Variants in ADIPOR2 observed in about 807,000 individuals in gnomAD.
ADIPOR2 encodes adiponectin receptor 2, also known as adiponectin receptor protein 2.
A neutral mutation model predicts 40.9 loss-of-function variants in ADIPOR2; 18 were observed. The ratio of observed to expected loss-of-function variants is 0.44; its 90% CI spans 0.30 to 0.65. ADIPOR2 has a LOEUF of 0.65. Ranked by LOEUF, ADIPOR2 falls within the 30% of genes least tolerant of loss-of-function variation. The probability of loss-of-function intolerance (pLI) is 0.09; values close to 1 mark genes in which losing one functional copy is unlikely to be tolerated. For synonymous variants in ADIPOR2, 165 were observed against 166.4 expected (o/e 0.99, Z 0.06); for missense variants, 283 against 479.2 (o/e 0.59, Z 3.82).
chr12:1,696,830 C>G (rs910253814), intron 1 of ADIPOR2: 1 of 153,996 alleles, frequency 6.5e-6, no homozygotes, highest in African/African-American at 2.4e-5. Flanking sequence ...GTGTTTTATA[C>G]TGGGACAGGT....
At chr12:1,775,136 G>GT (rs1174353394) in intron 3 of ADIPOR2, among the ~76,000 whole-genome samples, 2 of 152,182 alleles carry the variant, frequency 1.3e-5, no homozygotes, top group Non-Finnish European at 2.9e-5. Context: ...GCGTCCAGCT[G>GT]TTTTTTTAAG....
At chr12:1,719,750 C>T (rs1318751385) in intron 1 of ADIPOR2, among the ~76,000 whole-genome samples, 4 of 151,860 alleles carry the variant, frequency 2.6e-5, no homozygotes, top group East Asian at 3.9e-4. Context: ...TCTCAGCTCA[C>T]TGCAACCTCC....
At chr12:1,745,269 A>G (rs971761125) in intron 1 of ADIPOR2, among the ~76,000 whole-genome samples, 1 of 152,176 alleles carries the variant, frequency 6.6e-6, no homozygotes, top group African/African-American at 2.4e-5. Context: ...TCACACTGGT[A>G]AAGTCATGTT....
intron 1 of ADIPOR2, among the ~76,000 whole-genome samples, chr12:1,735,571 A>G (rs1171479129): frequency 1.3e-5 from 2 of 152,268 alleles, no homozygotes; most frequent in South Asian, 2.1e-4. Flanking sequence ...TCTTTTCCTA[A>G]TTGAATACCC....
intron 7 of ADIPOR2, among the ~76,000 whole-genome samples, chr12:1,785,742 A>G (rs1288158729): frequency 6.6e-6 from 1 of 152,134 alleles, no homozygotes; most frequent in Non-Finnish European, 1.5e-5. Flanking sequence ...TTTCTTTGGG[A>G]ACAGCTGGCT....
chr12:1,715,991 A>C (rs1180253423), intron 1 of ADIPOR2, among the ~76,000 whole-genome samples: 1 of 151,990 alleles, frequency 6.6e-6, no homozygotes, highest in African/African-American at 2.4e-5. Flanking sequence ...CACACCGTAG[A>C]AGCTTTGTTC....
intron 1 of ADIPOR2, chr12:1,731,112 G>A (rs2094719307): frequency 6.6e-6 from 1 of 151,294 alleles, no homozygotes; most frequent in Non-Finnish European, 1.5e-5. Flanking sequence ...CCAGGCTGGA[G>A]TGCAGTGATG....
rs777599853 is a variant in ADIPOR2 at position 1,784,041 on chromosome 12, G to T, written c.1000G>T (p.Glu334Ter). Residue 334 changes from glutamate to a stop codon, truncating the protein, a stop_gained, in exon 7 of 8, where the codon GAA (glutamate) becomes TAA (stop). Coordinates refer to ENST00000357103, the MANE Select transcript of ADIPOR2 (RefSeq NM_024551.3). LOFTEE classifies it high-confidence loss of function. ...GAALYAARIP[E>*]RFFPGKCDIW... is the part of the protein sequence containing the mutation. Reference sequence around the variant, plus strand: ...TGCCCTGTATGCTGCCCGGATCCCCGAACGCTTTTTCCCTGGCAAATGTGA... The same window carrying T: ...TGCCCTGTATGCTGCCCGGATCCCCTAACGCTTTTTCCCTGGCAAATGTGA... 6.2e-7 allele frequency: 1 copy of T among 1,602,062 alleles called. No individual in the cohort carries two copies. The highest frequency in any genetic ancestry group is 8.5e-7 in the Non-Finnish European group (1 of 1,173,402).
intron 1 of ADIPOR2, among the ~76,000 whole-genome samples, chr12:1,698,236 G>A (rs1417945157): frequency 7.1e-6 from 1 of 140,876 alleles, no homozygotes; most frequent in Non-Finnish European, 1.5e-5. Context: ...GTGTGTGTGT[G>A]TGTATTTTAT....
chr12:1,724,484 G>A (rs1414971343), intron 1 of ADIPOR2, among the ~76,000 whole-genome samples: 1 of 152,178 alleles, frequency 6.6e-6, no homozygotes, highest in Non-Finnish European at 1.5e-5. Flanking sequence ...GCCAGGGGTT[G>A]AGGAGAAGAG....
chr12:1,716,026 C>G (rs980891089), intron 1 of ADIPOR2, among the ~76,000 whole-genome samples: 1 of 152,190 alleles, frequency 6.6e-6, no homozygotes, highest in Admixed American at 6.5e-5. Context: ...GTAAATCTTG[C>G]TGCTGCTCAC....
intron 1 of ADIPOR2, among the ~76,000 whole-genome samples, chr12:1,698,648 C>T (rs546449884): frequency 3.8e-4 from 58 of 152,258 alleles, no homozygotes; most frequent in Non-Finnish European, 6.8e-4. Context: ...ACTGCTCTTA[C>T]TGATGGATAT....
chr12:1,707,936 A>ACAT (rs2094666854), intron 1 of ADIPOR2, among the ~76,000 whole-genome samples: 1 of 152,196 alleles, frequency 6.6e-6, no homozygotes, highest in Non-Finnish European at 1.5e-5. Flanking sequence ...TGTGGATACA[A>ACAT]GTACTTTGTC....
At chr12:1,763,895 C>T (rs1218977837) in intron 2 of ADIPOR2, among the ~76,000 whole-genome samples, 2 of 152,186 alleles carry the variant, frequency 1.3e-5, no homozygotes, top group East Asian at 3.9e-4. Flanking sequence ...GGGAGAATCA[C>T]TTGAGCCCAG....
Position 1,786,073 on chromosome 12 carries a change from T to C in ADIPOR2, c.*1T>C. On this transcript the variant is annotated 3_prime_UTR_variant, in exon 8 of 8. Coordinates refer to ENST00000357103, the MANE Select transcript of ADIPOR2 (RefSeq NM_024551.3). ...CTGCAGTGAAGAGGATGCACTGTGA[T>C]ACCTACCAGTCTCCAGGGACTATGA... 1.2e-6 allele frequency: 2 copies of C among 1,613,490 alleles called. No individual in the cohort carries two copies. Among genetic ancestry groups the C allele is most frequent in the Non-Finnish European group, 1.7e-6 (2 of 1,179,918 alleles).
intron 1 of ADIPOR2, among the ~76,000 whole-genome samples, chr12:1,711,425 T>C (rs1257582709): frequency 6.6e-6 from 1 of 152,046 alleles, no homozygotes; most frequent in East Asian, 1.9e-4. Context: ...GCAATGTTAA[T>C]GTTGGGACTT....
intron 1 of ADIPOR2, among the ~76,000 whole-genome samples, chr12:1,746,556 G>A (rs1302556760): frequency 1.3e-5 from 2 of 151,920 alleles, no homozygotes; most frequent in African/African-American, 4.8e-5. Flanking sequence ...TAGAAGAGTC[G>A]ATACACCAAG....
chr12:1,746,379 T>C (rs1312027739), intron 1 of ADIPOR2, among the ~76,000 whole-genome samples: 2 of 151,868 alleles, frequency 1.3e-5, no homozygotes, highest in East Asian at 3.9e-4. Context: ...TCCCAGCTAC[T>C]CAGGAAGCTG....
At chr12:1,727,475 T>G (rs703176) in intron 1 of ADIPOR2, among the ~76,000 whole-genome samples, 2 of 152,122 alleles carry the variant, frequency 1.3e-5, no homozygotes, top group East Asian at 3.9e-4. Context: ...ATAATTATTA[T>G]TTAAATATTC....
Sources: gnomAD v4.1 joint callset for allele counts (sites outside exome capture counted in the v4.1 genomes callset) on GRCh38, gnomAD v4.1.1 for gene constraint, MANE v1.5 for transcripts, NCBI Gene and HGNC (gene_info 2026-07-23, HGNC 2026-07-21) for gene names.